Variants in CERS6 observed in about 807,000 individuals in gnomAD.
CERS6 encodes the protein ceramide synthase 6.
CERS6 carries 26 observed loss-of-function variants against 56.8 expected under a neutral mutation model. The ratio of observed to expected loss-of-function variants is 0.46; its 90% confidence interval spans 0.34 to 0.63. The LOEUF is 0.63. CERS6 is among the 30% of genes least tolerant of loss of function. CERS6 has a pLI of 0.01. For synonymous variants in CERS6, 164 were observed against 173.3 expected, an observed-to-expected ratio of 0.95 and a Z score of 0.42; for missense variants, 415 against 467.5, an observed-to-expected ratio of 0.89 and a Z score of 1.04.
At chr2:168,723,381 T>G (rs1386385671) in intron 8 of CERS6, among the ~76,000 whole-genome samples, 1 of 152,190 alleles carries the variant, frequency 6.6e-6, no homozygotes, top group African/African-American at 2.4e-5. Context: ...ATATACAGTG[T>G]CTAATTCCTG....
intron 1 of CERS6, among the ~76,000 whole-genome samples, chr2:168,491,212 G>A (rs1026569066): frequency 3.9e-5 from 6 of 152,192 alleles, no homozygotes; most frequent in Non-Finnish European, 5.9e-5. Context: ...TACCACATCT[G>A]CAAAAGAAGA....
chr2:168,766,757 G>A (rs1684741741), intron 9 of CERS6, among the ~76,000 whole-genome samples: 1 of 152,232 alleles, frequency 6.6e-6, no homozygotes, highest in African/African-American at 2.4e-5. Context: ...AGCATCAGCT[G>A]TGGGCCTGAC....
intron 2 of CERS6, among the ~76,000 whole-genome samples, chr2:168,549,940 C>T (rs1387794654): frequency 6.6e-6 from 1 of 152,016 alleles, no homozygotes; most frequent in Non-Finnish European, 1.5e-5. Flanking sequence ...CCTGGCCTTA[C>T]CACGGTTTGA....
chr2:168,757,245 C>G (rs949917068), intron 8 of CERS6, among the ~76,000 whole-genome samples: 2 of 151,924 alleles, frequency 1.3e-5, no homozygotes, highest in Non-Finnish European at 2.9e-5. Flanking sequence ...CACAGCCTTG[C>G]CTGGAAGGAC....
chr2:168,561,414 G>C, intron 3 of CERS6, 92 bp downstream of exon 3: 1 of 1,430,604 alleles, frequency 7.0e-7, no homozygotes, highest in Non-Finnish European at 9.5e-7. Context: ...GGCTTCAGCA[G>C]CCCTTAAAAA....
intron 8 of CERS6, among the ~76,000 whole-genome samples, chr2:168,748,385 T>G (rs916239654): frequency 6.6e-6 from 1 of 152,188 alleles, no homozygotes; most frequent in Admixed American, 6.5e-5. Context: ...GTTAAATAAT[T>G]TTTTAAAATT....
intron 8 of CERS6, among the ~76,000 whole-genome samples, chr2:168,757,226 C>T (rs1428372138): frequency 6.6e-6 from 1 of 152,058 alleles, no homozygotes; most frequent in Non-Finnish European, 1.5e-5. Context: ...CAGGATACAT[C>T]CCGAAGGACA....
chr2:168,518,800 GTCTT>G (rs1388510635), intron 1 of CERS6, among the ~76,000 whole-genome samples: 1 of 152,184 alleles, frequency 6.6e-6, no homozygotes, highest in Non-Finnish European at 1.5e-5. Flanking sequence ...CAGAGCTGAT[GTCTT>G]TCTAAGTTGC....
At chr2:168,529,452 A>G (rs1256624594) in intron 1 of CERS6, among the ~76,000 whole-genome samples, 4 of 152,302 alleles carry the variant, frequency 2.6e-5, no homozygotes, top group East Asian at 3.9e-4. Context: ...CATATAACCA[A>G]AAGTCTTCTG....
At chr2:168,582,869 A>G (rs1683451101) in intron 3 of CERS6, 1 of 154,366 alleles carries the variant, frequency 6.5e-6, no homozygotes, top group Non-Finnish European at 1.5e-5. Flanking sequence ...CCAAGCACCC[A>G]CAGTGTACAG....
intron 5 of CERS6, among the ~76,000 whole-genome samples, chr2:168,694,216 AT>A (rs1402614303): frequency 6.6e-6 from 1 of 152,148 alleles, no homozygotes; most frequent in Non-Finnish European, 1.5e-5. Context: ...TATGTGCAAA[AT>A]AAATATTCCT....
intron 3 of CERS6, among the ~76,000 whole-genome samples, chr2:168,571,205 C>T (rs1366941455): frequency 6.6e-6 from 1 of 152,056 alleles, no homozygotes; most frequent in Non-Finnish European, 1.5e-5. Flanking sequence ...TCCTTCCTCC[C>T]TCCTTTGCAG....
chr2:168,502,893 C>G lies in CERS6; in HGVS notation c.171-44703C>G, dbSNP rs557373240. Among the ~76,000 whole-genome samples the G allele has an allele frequency of 3.9e-5, 6 of 152,292 alleles. No homozygotes were observed. The South Asian group carries it at 1.2e-3, about 32-fold the overall frequency. ...GATCCATCAGTGTACCAGATAAAAT[C>G]TGGATTGGATAAGGGAGTCTCTTAA... On this transcript the variant is annotated intron_variant, in intron 1 of 9. Transcript: ENST00000305747.
intron 8 of CERS6, among the ~76,000 whole-genome samples, chr2:168,736,815 G>A (rs1392072548): frequency 6.6e-6 from 1 of 152,264 alleles, no homozygotes; most frequent in South Asian, 2.1e-4. Context: ...CCCTGGCATG[G>A]CAGGCAGTGC....
chr2:168,566,890 A>G (rs975720309), intron 3 of CERS6, among the ~76,000 whole-genome samples: 4 of 152,028 alleles, frequency 2.6e-5, no homozygotes, highest in South Asian at 2.1e-4. Flanking sequence ...AGAAAATTCA[A>G]TTTTGATTAT....
At chr2:168,482,136 G>A (rs1240163200) in intron 1 of CERS6, among the ~76,000 whole-genome samples, 1 of 152,158 alleles carries the variant, frequency 6.6e-6, no homozygotes, top group East Asian at 1.9e-4. Context: ...AATTAAATGA[G>A]GTTTTAAATT....
intron 8 of CERS6, among the ~76,000 whole-genome samples, chr2:168,746,294 A>G (rs761943398): frequency 1.3e-5 from 2 of 152,240 alleles, no homozygotes; most frequent in Admixed American, 1.3e-4. Context: ...AATCTAAACA[A>G]TTTGGGTTCT....
intron 3 of CERS6, among the ~76,000 whole-genome samples, chr2:168,569,685 A>G (rs11893847): frequency 0.012 from 1,841 of 152,288 alleles, 30 homozygotes; most frequent in African/African-American, 0.041. Context: ...TCACACTTTT[A>G]CCACAAGCCT....
At chr2:168,660,294 C>T (rs1685596512) in intron 4 of CERS6, among the ~76,000 whole-genome samples, 2 of 152,176 alleles carry the variant, frequency 1.3e-5, no homozygotes, top group Non-Finnish European at 2.9e-5. Flanking sequence ...TCCCACCTCT[C>T]CAAATAAAGG....
Sources: allele counts gnomAD v4.1 joint callset (sites outside exome capture counted in the v4.1 genomes callset), GRCh38; gene constraint gnomAD v4.1.1; transcripts MANE v1.5; gene names NCBI Gene and HGNC (gene_info 2026-07-23, HGNC 2026-07-21).